The following EFS variants were observed in gnomAD, a reference collection of about 807,000 sequenced individuals.
EFS encodes Cas scaffolding protein family member 3.
Under a neutral mutation model 42.2 loss-of-function variants are expected in EFS, and 34 were observed. The ratio of observed to expected loss-of-function variants is 0.81; its 90% CI spans 0.61 to 1.07. The LOEUF (loss-of-function observed/expected upper bound fraction) is 1.07. EFS is among the 50% of genes least tolerant of loss of function. EFS has a pLI of 0.00. For missense variants in EFS, 717 were observed against 729.4 expected (o/e 0.98, Z 0.20); for synonymous variants, 299 against 320.7 (o/e 0.93, Z 0.72).
Position 23,359,930 on chromosome 14 carries a change from T to C in EFS, c.548A>G (p.Glu183Gly). 1 of 1,549,662 alleles carries C rather than the reference T, an allele frequency of 6.5e-7. No homozygotes were observed. The highest frequency in any genetic ancestry group is 1.2e-5 in the South Asian group (1 of 80,360). Reference protein sequence around the residue: ...LTRVAPQPPGEDDAPYDVPLT... With the variant: ...LTRVAPQPPGGDDAPYDVPLT... ...AGGCACATCATAGGGAGCATCATCC[T>C]CTCCAGGGGGCTGCGGGGCAACCCG... The change falls in exon 4 of 6, where the codon GAG becomes GGG. Residue 183 changes from glutamate (E) to glycine (G), a missense_variant. By Grantham distance (98) the Glu-to-Gly change is moderately conservative. Coordinates refer to ENST00000216733, the MANE Select transcript of EFS (RefSeq NM_005864.4).
In EFS at chr14:23,360,274, A is replaced by G. The variant is rs747262081; in HGVS notation, c.305T>C (p.Val102Ala). ...ACAGGGCCGAGCTGGGGGCGGCACC[A>G]CATACACCTGAGGGATCAAATAGAT... ...DHSNEDQEVY[V>A]VPPPARPCPT... is the part of the protein sequence containing the mutation. Residue 102 changes from valine to alanine, a missense_variant, in exon 3 of 6, where the codon GTG becomes GCG. Val to Ala is a moderately conservative substitution (Grantham distance 64). Transcript: ENST00000216733. The G allele has an allele frequency of 2.2e-5, 35 of 1,611,568 alleles. No homozygotes were observed. The South Asian group carries it at 3.9e-4, about 18-fold the overall frequency.
intron 2 of EFS, 91 bp from the exon 3 acceptor site, chr14:23,360,372 C>G: frequency 1.3e-6 from 2 of 1,523,374 alleles, no homozygotes; most frequent in East Asian, 4.5e-5. Flanking sequence ...GACCTTCTAA[C>G]TCTCCCTGTA....
In EFS at chr14:23,358,933, C is replaced by A. The variant is rs754723164; in HGVS notation, c.1194G>T (p.Pro398=). 2 of 1,613,046 alleles carry A rather than the reference C, an allele frequency of 1.2e-6. No homozygotes were observed. The highest frequency in any genetic ancestry group is 2.2e-5 in the South Asian group (2 of 90,906). ...GMDKAQGSRP[P]DQACTGDPEL... is the part of the protein sequence containing the mutation. ...CAGGATCCCCTGTGCAGGCCTGATCCGGGGGCCTAGATCCCTGAGCTTTGT... is the reference window on the plus strand; with the variant it reads ...CAGGATCCCCTGTGCAGGCCTGATCAGGGGGCCTAGATCCCTGAGCTTTGT... Residue 398 remains proline, a synonymous_variant, in exon 5 of 6, where the codon CCG becomes CCT. Coordinates refer to ENST00000216733, the MANE Select transcript of EFS (RefSeq NM_005864.4).
At chr14:23,362,850 C>A (rs1890197598) in intron 1 of EFS, among the ~76,000 whole-genome samples, 1 of 151,972 alleles carries the variant, frequency 6.6e-6, no homozygotes, top group Non-Finnish European at 1.5e-5. Flanking sequence ...GGTTCAGCCT[C>A]CTAAATACCT....
chr14:23,361,692 T>C (rs974986755), intron 1 of EFS, among the ~76,000 whole-genome samples: 2 of 152,158 alleles, frequency 1.3e-5, no homozygotes, highest in Non-Finnish European at 2.9e-5. Context: ...TCCTGTCTGG[T>C]GGGGGCTTAT....
At chr14:23,361,619 T>G in intron 1 of EFS, among the ~76,000 whole-genome samples, 1 of 151,904 alleles carries the variant, frequency 6.6e-6, no homozygotes, top group East Asian at 1.9e-4. Context: ...TGTGTCTTTG[T>G]GTGTGTGTGT....
At chr14:23,358,999 G>C (rs778224450) in intron 4 of EFS, 34 bp from the exon 5 acceptor site, 4 of 1,571,310 alleles carry the variant, frequency 2.5e-6, no homozygotes, top group Admixed American at 1.9e-5. Context: ...GTGTCGGGGT[G>C]GGGGAGCAGG....
chr14:23,364,548 T>C (rs1890257212), intron 1 of EFS, among the ~76,000 whole-genome samples: 1 of 152,128 alleles, frequency 6.6e-6, no homozygotes, highest in Non-Finnish European at 1.5e-5. Context: ...CTCCCTTTTT[T>C]CCTTATCCCT....
Position 23,365,127 on chromosome 14 carries a change from G to C in EFS, c.-102C>G. ...GGTCCGCGGCCTCTAGCCCCCAGCT[G>C]TGGCGCCTGAGTCGTGGCCTCCGCC... is the stretch of plus-strand genomic sequence containing the variant. On this transcript the variant is annotated 5_prime_UTR_variant, in exon 1 of 6. Coordinates refer to ENST00000216733, the MANE Select transcript of EFS (RefSeq NM_005864.4). This position sits in a 1 kb window ranked among gnomAD's most constrained non-coding sequence, Gnocchi z 5.3. The C allele has an allele frequency of 8.8e-7, 1 of 1,133,226 alleles. No individual in the cohort carries two copies. 70.2% of individuals were successfully genotyped at this position (1,133,226 alleles called of 1,614,324 possible).
chr14:23,360,944 G>T, intron 1 of EFS, 111 bp from the exon 2 acceptor site: 1 of 1,154,106 alleles, frequency 8.7e-7, no homozygotes, highest in South Asian at 1.8e-5. Flanking sequence ...TAAAAAACCT[G>T]AACTCTGGAT....
In EFS at chr14:23,361,492, A is replaced by G. The variant is rs376955747; in HGVS notation, c.19-659T>C. ...TCTGAGCAAATAAGTTTCTACCAGA[A>G]GAGGCTGAGGTTACCATGGAGAAAA... On this transcript the variant is annotated intron_variant, in intron 1 of 5. Transcript: ENST00000216733. Among the ~76,000 whole-genome samples, 136 of 152,336 alleles carry G rather than the reference A, an allele frequency of 8.9e-4. 1 individual carries two copies. In the South Asian group the frequency reaches 0.016, roughly 18 times the overall value.
intron 1 of EFS, 63 bp downstream of exon 1, chr14:23,364,945 C>T: frequency 8.0e-7 from 1 of 1,243,232 alleles, no homozygotes; most frequent in South Asian, 3.7e-5. Context: ...AATAAAGTGA[C>T]AGGAGCGCAG....
intron 1 of EFS, among the ~76,000 whole-genome samples, chr14:23,364,246 G>A (rs1890248566): frequency 6.6e-6 from 1 of 152,228 alleles, no homozygotes; most frequent in South Asian, 2.1e-4. Flanking sequence ...ATGGAGCCAA[G>A]CCTCTGGGCC....
At position 23,359,834 on chromosome 14, in the gene EFS, G is replaced by T; in HGVS notation, c.644C>A (p.Pro215His). ...EWEGGREPGPPIYAAPSNLKR... is the reference protein window; with the variant it reads ...EWEGGREPGPHIYAAPSNLKR... ...CAGGTTGGAGGGGGCAGCATAGATGGGGGGCCCCGGCTCCCGGCCTCCTTC... is the reference window on the plus strand; with the variant it reads ...CAGGTTGGAGGGGGCAGCATAGATGTGGGGCCCCGGCTCCCGGCCTCCTTC... The change falls in exon 4 of 6, where the codon CCC becomes CAC. Residue 215 changes from proline (P) to histidine (H), a missense_variant. Coordinates refer to ENST00000216733, the MANE Select transcript of EFS (RefSeq NM_005864.4). The T allele has an allele frequency of 6.6e-7, 1 of 1,524,840 alleles. No homozygotes were observed. Among genetic ancestry groups the T allele is most frequent in the Non-Finnish European group, 8.8e-7 (1 of 1,139,424 alleles). 94.5% of individuals were successfully genotyped at this position (1,524,840 alleles called of 1,614,324 possible). A position where few individuals can be genotyped will look rare whatever the true frequency, so the allele number is the denominator to read the frequency against.
At position 23,365,099 on chromosome 14, in the gene EFS, C is replaced by T. The variant is rs1890278934; in HGVS notation, c.-74G>A. 1 of 1,244,048 alleles carries T rather than the reference C, an allele frequency of 8.0e-7. No individual in the cohort carries two copies. The highest frequency in any genetic ancestry group is 1.0e-6 in the Non-Finnish European group (1 of 979,722). 77.1% of individuals were successfully genotyped at this position (1,244,048 alleles called of 1,614,324 possible). On this transcript the variant is annotated 5_prime_UTR_variant, in exon 1 of 6. It removes an upstream start codon present in the reference 5' UTR. Coordinates refer to ENST00000216733, the MANE Select transcript of EFS (RefSeq NM_005864.4). The surrounding 1 kb of genome is among the most constrained non-coding windows in gnomAD (Gnocchi z 5.3). ...GACTTCAGCGGTGGCTGCCCCGCAC[C>T]ATGGTCCGCGGCCTCTAGCCCCCAG...
chr14:23,359,588 G>A lies in EFS; in HGVS notation c.890C>T (p.Pro297Leu). 6.7e-7 allele frequency: 1 copy of A among 1,493,768 alleles called. No individual in the cohort carries two copies. Among genetic ancestry groups the A allele is most frequent in the Non-Finnish European group, 8.9e-7 (1 of 1,126,510 alleles). The allele number at this position is 1,493,768 out of a possible 1,614,324, so 92.5% of individuals were successfully genotyped here. Residue 297 changes from proline (P) to leucine (L), a missense_variant, in exon 4 of 6, where the codon CCC becomes CTC. Coordinates refer to ENST00000216733, the MANE Select transcript of EFS (RefSeq NM_005864.4). ...GCGGCGGGACAGGCTCTCAGCTGAG[G>A]GGAGCCGGGGCCTGTGTGGGGGTGG... ...SPPPPHRPRLPSAESLSRRPL... is the reference protein window; with the variant it reads ...SPPPPHRPRLLSAESLSRRPL...
intron 4 of EFS, 122 bp from the exon 5 acceptor site, chr14:23,359,087 T>A: frequency 8.8e-7 from 1 of 1,131,666 alleles, no homozygotes; most frequent in Non-Finnish European, 1.3e-6. Context: ...TATCAGAGGT[T>A]GTAGTCCCTT....
In EFS at chr14:23,359,431, G is replaced by A; in HGVS notation, c.1047C>T (p.Gly349=). The change falls in exon 4 of 6, where the codon GGC becomes GGT. Residue 349 remains glycine (G), a synonymous_variant. Coordinates refer to ENST00000216733, the MANE Select transcript of EFS (RefSeq NM_005864.4). Reference sequence around the variant, plus strand: ...CCTCTGGATCCCCCTCGACCTTGGGGCCTCCATAACCAGGCAGGCGGGGTG... The same window carrying A: ...CCTCTGGATCCCCCTCGACCTTGGGACCTCCATAACCAGGCAGGCGGGGTG... ...PPPPRLPGYG[G]PKVEGDPEGR... 6.2e-7 allele frequency: 1 copy of A among 1,602,292 alleles called. No individual in the cohort carries two copies. The highest frequency in any genetic ancestry group is 8.5e-7 in the Non-Finnish European group (1 of 1,176,084).
intron 1 of EFS, among the ~76,000 whole-genome samples, chr14:23,362,429 A>C (rs1463414697): frequency 1.3e-5 from 2 of 152,160 alleles, no homozygotes; most frequent in African/African-American, 4.8e-5. Flanking sequence ...TATTCCTCTT[A>C]GCTGATGTTT....
Sources: gnomAD v4.1 joint callset for allele counts (sites outside exome capture counted in the v4.1 genomes callset) on GRCh38, gnomAD v4.1.1 for gene constraint, Gnocchi (gnomAD v3.1) non-coding constraint, MANE v1.5 for transcripts, NCBI Gene and HGNC (gene_info 2026-07-23, HGNC 2026-07-21) for gene names.